SLC14A2: variants seen among roughly 807,000 people sequenced by gnomAD.
The protein encoded by SLC14A2 is urea transporter 2.
SLC14A2 carries 91 observed loss-of-function variants against 104.6 expected under a neutral mutation model. That is an observed-to-expected ratio of 0.87 (90% CI 0.73 to 1.04). The LOEUF (loss-of-function observed/expected upper bound fraction) is 1.04. Among genes scored for constraint, SLC14A2 ranks in the 50% least tolerant of loss-of-function variants. The probability of loss-of-function intolerance (pLI) is 0.00; values close to 1 mark genes in which losing one functional copy is unlikely to be tolerated. For missense variants in SLC14A2, 1,189 were observed against 1,156.0 expected (o/e 1.03, Z -0.41); for synonymous variants, 476 against 466.4 (o/e 1.02, Z -0.27).
At chr18:45,250,751 C>CTGACTTTTGTTTTTTTTT (rs1165070845) in intron 1 of SLC14A2, among the ~76,000 whole-genome samples, 1 of 113,908 alleles carries the variant, frequency 8.8e-6, no homozygotes, top group Non-Finnish European at 1.7e-5. Context: ...CTAGTGGCTT[C>CTGACTTTTGTTTTTTTTT]TTCCTTTTTT....
intron 3 of SLC14A2, 49 bp downstream of exon 3, chr18:45,625,912 A>G: frequency 1.5e-6 from 2 of 1,328,556 alleles, no homozygotes; most frequent in South Asian, 4.1e-5. Flanking sequence ...CAGGCCAGAG[A>G]GACAACCCTC....
the SLC14A2 span, among the ~76,000 whole-genome samples, chr18:45,199,113 C>T: frequency 1.3e-5 from 2 of 152,130 alleles, no homozygotes; most frequent in South Asian, 4.1e-4. Context: ...CAATTATTTT[C>T]ACATAACACT....
chr18:45,591,086 G>C (rs2044640252), intron 2 of SLC14A2, among the ~76,000 whole-genome samples: 1 of 152,006 alleles, frequency 6.6e-6, no homozygotes, highest in African/African-American at 2.4e-5. Flanking sequence ...CCACATGTCA[G>C]TCACTGAGGT....
intron 2 of SLC14A2, among the ~76,000 whole-genome samples, chr18:45,524,818 T>C (rs1374086816): frequency 6.6e-6 from 1 of 152,156 alleles, no homozygotes; most frequent in Admixed American, 6.5e-5. Context: ...AGAGGCACCA[T>C]GGCCCCACCA....
chr18:45,175,370 A>G, the SLC14A2 span, among the ~76,000 whole-genome samples: 2 of 125,858 alleles, frequency 1.6e-5, no homozygotes, highest in African/African-American at 5.5e-5. Context: ...AAAGTGTCAT[A>G]ATATACTATA....
At chr18:45,291,293 AG>A (rs2084866932) in intron 1 of SLC14A2, among the ~76,000 whole-genome samples, 2 of 152,124 alleles carry the variant, frequency 1.3e-5, no homozygotes, top group African/African-American at 4.8e-5. Context: ...AGTAAGAGTA[AG>A]AAAAAAAAAA....
At chr18:45,680,389 C>T (rs562659720) in intron 19 of SLC14A2, among the ~76,000 whole-genome samples, 1 of 152,276 alleles carries the variant, frequency 6.6e-6, no homozygotes, top group South Asian at 2.1e-4. Context: ...ATCAAGTTTA[C>T]CTAGTTTGCC....
intron 1 of SLC14A2, among the ~76,000 whole-genome samples, chr18:45,468,461 C>A (rs1184993812): frequency 6.6e-6 from 1 of 151,818 alleles, no homozygotes; most frequent in Non-Finnish European, 1.5e-5. Flanking sequence ...GGACAACAAG[C>A]AGAAGCTAGG....
rs764082452 is a variant in SLC14A2, at chr18:45,673,795, G to A, written c.2490G>A (p.Thr830=). ...GGMFYVITWQ[T]HLLAIACALF... is the part of the protein sequence containing the mutation. ...TGTTCTACGTCATCACCTGGCAGACGCACCTCCTCGCCATCGCCTGCGGTA... is the reference window on the plus strand; with the variant it reads ...TGTTCTACGTCATCACCTGGCAGACACACCTCCTCGCCATCGCCTGCGGTA... Residue 830 remains threonine, a synonymous_variant, in exon 18 of 20, where the codon ACG becomes ACA. Coordinates refer to ENST00000255226, the MANE Select transcript of SLC14A2 (RefSeq NM_007163.4). The A allele has an allele frequency of 1.2e-5, 20 of 1,614,074 alleles. No individual in the cohort carries two copies. Among genetic ancestry groups the A allele is most frequent in the Middle Eastern group, 1.6e-4 (1 of 6,062 alleles).
At chr18:45,434,648 AGGCAATCTATT>A (rs2086568067) in intron 1 of SLC14A2, among the ~76,000 whole-genome samples, 4 of 152,226 alleles carry the variant, frequency 2.6e-5, no homozygotes, top group African/African-American at 9.6e-5. Context: ...GGCAGCCTGA[AGGCAATCTATT>A]TTATTAAGAG....
chr18:45,552,687 C>T (rs956453911), intron 2 of SLC14A2, among the ~76,000 whole-genome samples: 1 of 152,122 alleles, frequency 6.6e-6, no homozygotes, highest in Non-Finnish European at 1.5e-5. Context: ...GAGCAGAGAC[C>T]TGGAAAGGGG....
intron 1 of SLC14A2, among the ~76,000 whole-genome samples, chr18:45,379,114 C>T (rs1276817700): frequency 2.6e-5 from 4 of 152,180 alleles, no homozygotes; most frequent in Non-Finnish European, 4.4e-5. Context: ...TAACAGGACA[C>T]ATTAGAGATG....
At chr18:45,542,035 G>GTTTTTTGTTTTT (rs2043891798) in intron 2 of SLC14A2, among the ~76,000 whole-genome samples, 1 of 54,206 alleles carries the variant, frequency 1.8e-5, no homozygotes, top group Non-Finnish European at 3.7e-5. Flanking sequence ...AAGAGAGAGG[G>GTTTTTTGTTTTT]TTTTTTTTTT....
intron 1 of SLC14A2, among the ~76,000 whole-genome samples, chr18:45,309,897 C>T (rs1355761219): frequency 1.3e-5 from 2 of 151,762 alleles, no homozygotes; most frequent in African/African-American, 2.4e-5. Context: ...GATCATCATT[C>T]TCCATTTATA....
At chr18:45,230,663 T>C (rs2084165875) in intron 1 of SLC14A2, among the ~76,000 whole-genome samples, 1 of 152,222 alleles carries the variant, frequency 6.6e-6, no homozygotes, top group African/African-American at 2.4e-5. Context: ...AATGTGAATG[T>C]CTTTGGGGGC....
chr18:45,521,133 A>AT (rs996258139), intron 2 of SLC14A2, among the ~76,000 whole-genome samples: 3 of 152,270 alleles, frequency 2.0e-5, no homozygotes, highest in Non-Finnish European at 4.4e-5. Flanking sequence ...CAACAGTCAT[A>AT]TTTTTTAAGG....
At chr18:45,401,331 C>T (rs1220975531) in intron 1 of SLC14A2, among the ~76,000 whole-genome samples, 1 of 152,154 alleles carries the variant, frequency 6.6e-6, no homozygotes, top group East Asian at 1.9e-4. Flanking sequence ...ACAATAGGTG[C>T]CATGAGGGTA....
intron 2 of SLC14A2, among the ~76,000 whole-genome samples, chr18:45,586,178 A>G (rs912115222): frequency 6.6e-6 from 1 of 152,218 alleles, no homozygotes; most frequent in Non-Finnish European, 1.5e-5. Context: ...GGGTTAGACG[A>G]GAGAATGGCA....
At chr18:45,307,177 G>A (rs958832398) in intron 1 of SLC14A2, among the ~76,000 whole-genome samples, 13 of 151,976 alleles carry the variant, frequency 8.6e-5, no homozygotes, top group Admixed American at 7.2e-4. Flanking sequence ...AGCACTTTGG[G>A]AGGCCAAGGC....
Sources: gnomAD v4.1 joint callset for allele counts (sites outside exome capture counted in the v4.1 genomes callset) on GRCh38, gnomAD v4.1.1 for gene constraint, MANE v1.5 for transcripts, NCBI Gene and HGNC (gene_info 2026-07-23, HGNC 2026-07-21) for gene names.